Variants in PIK3CD observed in about 807,000 individuals in gnomAD.
PIK3CD encodes phosphatidylinositol 4,5-bisphosphate 3-kinase catalytic subunit delta isoform.
PIK3CD carries 20 observed loss-of-function variants against 122.9 expected under a neutral mutation model. The ratio of observed to expected loss-of-function variants is 0.16; its 90% confidence interval spans 0.11 to 0.24. PIK3CD has a LOEUF of 0.24. Among genes scored for constraint, PIK3CD ranks in the 10% least tolerant of loss-of-function variants. The pLI is 1.00. For synonymous variants in PIK3CD, 596 were observed against 593.4 expected (o/e 1.00, Z -0.06); for missense variants, 787 against 1,406.3 (o/e 0.56, Z 7.04).
At chr1:9,686,225 A>G (rs1645958833) in intron 1 of PIK3CD, among the ~76,000 whole-genome samples, 1 of 152,174 alleles carries the variant, frequency 6.6e-6, no homozygotes, top group Admixed American at 6.5e-5. Context: ...TGGCCCTTTT[A>G]GTAGCAAGTA....
At position 9,710,328 on chromosome 1, in the gene PIK3CD, G is replaced by T; in HGVS notation, c.-32-96G>T. 3 of 992,906 alleles carry T rather than the reference G, an allele frequency of 3.0e-6. No homozygotes were observed. The South Asian group carries it at 3.8e-5, about 13-fold the overall frequency. 61.5% of individuals were successfully genotyped at this position (992,906 alleles called of 1,614,324 possible). ...TCGGGAACTCACTCCTGAGCTTCCT[G>T]CTGTCCAAGGACCCCACTGTTTTCC... On this transcript the variant is annotated intron_variant, in intron 2 of 23. Transcript: ENST00000377346. This position sits in a 1 kb window ranked among gnomAD's most constrained non-coding sequence, Gnocchi z 4.7.
Position 9,720,839 on chromosome 1 carries a change from A to T in PIK3CD, c.1619A>T (p.Glu540Val). The change falls in exon 13 of 24, where the codon GAG (glutamate) becomes GTG (valine). Residue 540 changes from glutamate to valine, a missense_variant. By Grantham distance (121) the Glu-to-Val change is moderately radical. This residue lies in a region of PIK3CD where 592 missense variants were observed against 920.6 expected (regional missense o/e 0.64). Coordinates refer to ENST00000377346, the MANE Select transcript of PIK3CD (RefSeq NM_005026.5). The surrounding 1 kb of genome is among the most constrained non-coding windows in gnomAD (Gnocchi z 9.0). Reference protein sequence around the residue: ...LVWKLRHEVQEHFPEALARLL... With the variant: ...LVWKLRHEVQVHFPEALARLL... ...TGGAAGCTGCGGCATGAAGTCCAGG[A>T]GCACTTCCCGGAGGCGCTAGCCCGG... 1 of 1,612,616 alleles carries T rather than the reference A, an allele frequency of 6.2e-7. No homozygotes were observed. The highest frequency in any genetic ancestry group is 8.5e-7 in the Non-Finnish European group (1 of 1,179,600).
chr1:9,700,670 C>G lies in PIK3CD; in HGVS notation c.-33+9099C>G, dbSNP rs769222172. On this transcript the variant is annotated intron_variant, in intron 2 of 23. Coordinates refer to ENST00000377346, the MANE Select transcript of PIK3CD (RefSeq NM_005026.5). This position sits in a 1 kb window ranked among gnomAD's most constrained non-coding sequence, Gnocchi z 5.1. ...ATCTGTCTGTAGCCTGCTGACTCCA[C>G]AGATCTGTCCCCCGCCCTCCCACCT... Among the ~76,000 whole-genome samples the G allele has an allele frequency of 6.6e-6, 1 of 152,134 alleles. No homozygotes were observed. The highest frequency in any genetic ancestry group is 1.5e-5 in the Non-Finnish European group (1 of 68,028).
intron 1 of PIK3CD, among the ~76,000 whole-genome samples, chr1:9,671,689 T>G (rs1333098819): frequency 6.6e-6 from 1 of 151,874 alleles, no homozygotes; most frequent in Non-Finnish European, 1.5e-5. Flanking sequence ...CAAGAGATCC[T>G]CCCGCCTCGG....
chr1:9,645,409 A>T, the PIK3CD span, among the ~76,000 whole-genome samples: 1 of 151,950 alleles, frequency 6.6e-6, no homozygotes, highest in African/African-American at 2.4e-5. Context: ...TCAAAAAGGA[A>T]GTGTATCAGG....
chr1:9,693,166 T>C lies in PIK3CD; in HGVS notation c.-33+1595T>C, dbSNP rs537601379. On this transcript the variant is annotated intron_variant, in intron 2 of 23. Transcript: ENST00000377346. The stretch of plus-strand genomic sequence containing the variant: ...GAAAACCACTGTTTCCTCGTTGGAG[T>C]ATCCTCCCCCAAACCCCTCAGAGAG... 3.3e-4 allele frequency among the ~76,000 whole-genome samples: 50 copies of C among 151,980 alleles called. 1 individual carries two copies. Among genetic ancestry groups the C allele is most frequent in the African/African-American group, 1.1e-3 (47 of 41,458 alleles).
At chr1:9,632,782 A>G in the PIK3CD span, among the ~76,000 whole-genome samples, 1 of 151,722 alleles carries the variant, frequency 6.6e-6, no homozygotes, top group Non-Finnish European at 1.5e-5. Context: ...TCTAGTCTAG[A>G]GCCTCTCAGA....
At chr1:9,645,468 A>T in the PIK3CD span, among the ~76,000 whole-genome samples, 186 of 150,606 alleles carry the variant, frequency 1.2e-3, 1 homozygote, top group African/African-American at 1.6e-3. Flanking sequence ...TTATTTATTT[A>T]TTTTTTTGAG....
At position 9,722,675 on chromosome 1, in the gene PIK3CD, G is replaced by A. The variant is rs1440121778; in HGVS notation, c.2426+69G>A. 7.6e-7 allele frequency: 1 copy of A among 1,323,124 alleles called. No individual in the cohort carries two copies. The highest frequency in any genetic ancestry group is 1.1e-6 in the Non-Finnish European group (1 of 918,368). The allele number at this position is 1,323,124 out of a possible 1,614,324, so 82.0% of individuals were successfully genotyped here. A position where few individuals can be genotyped will look rare whatever the true frequency, so the allele number is the denominator to read the frequency against. On this transcript the variant is annotated intron_variant, in intron 19 of 23. Transcript: ENST00000377346. The surrounding 1 kb of genome is among the most constrained non-coding windows in gnomAD (Gnocchi z 7.6). ...GCCTGGGAGTCTGTGCCCCTGGAGG[G>A]GTCCTTGTTGAAGGTGGCATGACCA...
chr1:9,720,261 G>A lies in PIK3CD; in HGVS notation c.1470+19G>A, dbSNP rs373478602. The A allele has an allele frequency of 1.6e-5, 26 of 1,597,110 alleles. No individual in the cohort carries two copies. Among genetic ancestry groups the A allele is most frequent in the African/African-American group, 8.0e-5 (6 of 74,656 alleles). On this transcript the variant is annotated intron_variant, in intron 11 of 23. Coordinates refer to ENST00000377346, the MANE Select transcript of PIK3CD (RefSeq NM_005026.5). The surrounding 1 kb of genome is among the most constrained non-coding windows in gnomAD (Gnocchi z 9.0). ...GGAGAAGGTCAGTGGGGGCCCCGCC[G>A]CGTGAGGCTGAGGGGCTGGCGCGGA...
Position 9,724,800 on chromosome 1 carries a change from G to C in PIK3CD, c.2865-4G>C. On this transcript the variant is annotated splice_region_variant and splice_polypyrimidine_tract_variant and intron_variant, in intron 22 of 23. Transcript: ENST00000377346. This position sits in a 1 kb window ranked among gnomAD's most constrained non-coding sequence, Gnocchi z 7.3. ...GCCTCACTTCCTCTGTCCCCTACCT[G>C]CAGGTTCCGGGGCTACTGTGAAAGG... The C allele has an allele frequency of 6.2e-7, 1 of 1,612,710 alleles. No individual in the cohort carries two copies. The highest frequency in any genetic ancestry group is 8.5e-7 in the Non-Finnish European group (1 of 1,180,028).
the PIK3CD span, among the ~76,000 whole-genome samples, chr1:9,633,507 C>G: frequency 0.016 from 2,396 of 152,170 alleles, 59 homozygotes; most frequent in African/African-American, 0.055. Context: ...CGGGGTTTCA[C>G]TATTTTGGCC....
chr1:9,718,952 C>G lies in PIK3CD; in HGVS notation c.1242+37C>G, dbSNP rs372407810. ...GGCCGGCTGGGAGGGGTGCAGACCC[C>G]GGAGAGCCAGTACAGCCCCTTGCTG... On this transcript the variant is annotated intron_variant, in intron 9 of 23. Coordinates refer to ENST00000377346, the MANE Select transcript of PIK3CD (RefSeq NM_005026.5). This position sits in a 1 kb window ranked among gnomAD's most constrained non-coding sequence, Gnocchi z 7.2. 14 of 1,587,878 alleles carry G rather than the reference C, an allele frequency of 8.8e-6. No homozygotes were observed. Among genetic ancestry groups the G allele is most frequent in the Admixed American group, 1.7e-5 (1 of 59,702 alleles).
intron 1 of PIK3CD, among the ~76,000 whole-genome samples, chr1:9,671,151 G>A (rs150735094): frequency 6.6e-6 from 1 of 152,224 alleles, no homozygotes; most frequent in African/African-American, 2.4e-5. Flanking sequence ...CCAGGCTGGA[G>A]TGCAGTGGTG....
At chr1:9,707,239 A>G (rs1225615712) in intron 2 of PIK3CD, among the ~76,000 whole-genome samples, 1 of 151,890 alleles carries the variant, frequency 6.6e-6, no homozygotes, top group African/African-American at 2.4e-5. Context: ...AAGAACATAC[A>G]TTGTAGCATC....
chr1:9,722,704 C>T lies in PIK3CD; in HGVS notation c.2426+98C>T. 3 of 1,068,390 alleles carry T rather than the reference C, an allele frequency of 2.8e-6. No individual in the cohort carries two copies. Among genetic ancestry groups the T allele is most frequent in the Non-Finnish European group, 4.3e-6 (3 of 695,162 alleles). 66.2% of individuals were successfully genotyped at this position (1,068,390 alleles called of 1,614,324 possible). A position where few individuals can be genotyped will look rare whatever the true frequency, so the allele number is the denominator to read the frequency against. ...CTTGTTGAAGGTGGCATGACCATCT[C>T]AGCCGGGGAAAGGGCTTTCCTAGGA... On this transcript the variant is annotated intron_variant, in intron 19 of 23. Coordinates refer to ENST00000377346, the MANE Select transcript of PIK3CD (RefSeq NM_005026.5). The surrounding 1 kb of genome is among the most constrained non-coding windows in gnomAD (Gnocchi z 7.6).
At chr1:9,657,500 A>G (rs1244842871) in intron 1 of PIK3CD, among the ~76,000 whole-genome samples, 1 of 151,986 alleles carries the variant, frequency 6.6e-6, no homozygotes, top group African/African-American at 2.4e-5. Context: ...CTGCTGGACC[A>G]TTGACCCCAG....
chr1:9,721,141 G>A lies in PIK3CD; in HGVS notation c.1704G>A (p.Leu568=). ...GCTCCCCCCAGATGCTCTACCTGCT[G>A]TGCTCCTGGCCGGAGCTGCCCGTCC... ...HEDVAQMLYL[L]CSWPELPVLS... The change falls in exon 14 of 24, where the codon CTG becomes CTA. Residue 568 remains leucine, a synonymous_variant. Transcript: ENST00000377346. 6.2e-7 allele frequency: 1 copy of A among 1,612,180 alleles called. No homozygotes were observed. The highest frequency in any genetic ancestry group is 8.5e-7 in the Non-Finnish European group (1 of 1,179,944).
Position 9,689,136 on chromosome 1 carries a change from G to A in PIK3CD, c.-137-2331G>A, listed in dbSNP as rs755912512. Among the ~76,000 whole-genome samples the A allele has an allele frequency of 3.9e-5, 6 of 152,250 alleles. No homozygotes were observed. The highest frequency in any genetic ancestry group is 7.3e-5 in the Non-Finnish European group (5 of 68,038). Reference sequence around the variant, plus strand: ...GCCCTTTCTGCGGATGCCTTGCAAAGCGGGGAGCGGAAAGCAGTTTGGTGG... The same window carrying A: ...GCCCTTTCTGCGGATGCCTTGCAAAACGGGGAGCGGAAAGCAGTTTGGTGG... On this transcript the variant is annotated intron_variant, in intron 1 of 23. Coordinates refer to ENST00000377346, the MANE Select transcript of PIK3CD (RefSeq NM_005026.5). The surrounding 1 kb of genome is among the most constrained non-coding windows in gnomAD (Gnocchi z 6.1).
Sources: allele counts gnomAD v4.1 joint callset (sites outside exome capture counted in the v4.1 genomes callset), GRCh38; gene constraint gnomAD v4.1.1; regional missense constraint gnomAD v4.1.1; non-coding constraint Gnocchi (gnomAD v3.1); transcripts MANE v1.5; gene names NCBI Gene and HGNC (gene_info 2026-07-23, HGNC 2026-07-21).